Variants in DNAH17 observed in about 807,000 individuals in gnomAD.
The protein encoded by DNAH17 is axonemal beta dynein heavy chain 17.
In DNAH17, 376 loss-of-function variants were observed where a neutral mutation model predicts 485.6. The ratio of observed to expected loss-of-function variants is 0.77; its 90% CI spans 0.71 to 0.84. The LOEUF is 0.84. DNAH17 is among the 40% of genes least tolerant of loss of function. The pLI is 0.00. For synonymous variants in DNAH17, 3,031 were observed against 2,405.9 expected (o/e 1.26, Z -7.60); for missense variants, 6,370 against 5,839.3 (o/e 1.09, Z -2.96).
chr17:78,436,844 CCAAACAAACAAACAAACAAACAAA>C (rs56360405), intron 74 of DNAH17, among the ~76,000 whole-genome samples: 1 of 150,272 alleles, frequency 6.7e-6, no homozygotes, highest in Non-Finnish European at 1.5e-5. Flanking sequence ...GACTCCATCT[CCAAACAAACAAACAAACAAACAAA>C]CAAACAAACA....
chr17:78,494,885 G>A, intron 39 of DNAH17, 65 bp from the exon 40 acceptor site: 1 of 1,574,842 alleles, frequency 6.3e-7, no homozygotes, highest in South Asian at 1.2e-5. Flanking sequence ...AGGCAGGTCT[G>A]GAAGCCAACC....
In DNAH17 at chr17:78,424,050, G is replaced by A. The variant is rs1177377632; in HGVS notation, c.13245C>T (p.Arg4415=). 1.1e-5 allele frequency: 18 copies of A among 1,614,070 alleles called. No individual in the cohort carries two copies. The highest frequency in any genetic ancestry group is 1.5e-5 in the Non-Finnish European group (18 of 1,179,904). Residue 4415 remains arginine (R), a synonymous_variant, in exon 81 of 81, where the codon CGC becomes CGT. Coordinates refer to ENST00000389840, the MANE Select transcript of DNAH17 (RefSeq NM_173628.4). ...VIFIKAIPVD[R]METKNIYECP... is the part of the protein sequence containing the mutation. Reference sequence around the variant, plus strand: ...ACTCATAGATGTTCTTGGTCTCCATGCGGTCCACAGGAATGGCCTTGATGA... The same window carrying A: ...ACTCATAGATGTTCTTGGTCTCCATACGGTCCACAGGAATGGCCTTGATGA...
chr17:78,510,328 G>A, intron 27 of DNAH17, 56 bp downstream of exon 27: 1 of 1,590,522 alleles, frequency 6.3e-7, no homozygotes, highest in Non-Finnish European at 8.6e-7. Flanking sequence ...GTGGTTGGAG[G>A]GGGCAGTTTC....
At chr17:78,482,543 T>A (rs561414581) in intron 48 of DNAH17, among the ~76,000 whole-genome samples, 1 of 152,350 alleles carries the variant, frequency 6.6e-6, no homozygotes, top group South Asian at 2.1e-4. Context: ...CATCAATTTT[T>A]TGCCCTTCTG....
intron 27 of DNAH17, among the ~76,000 whole-genome samples, chr17:78,508,969 G>GTTTTT (rs112772580): frequency 1.0e-5 from 1 of 98,790 alleles, no homozygotes; most frequent in African/African-American, 4.4e-5. Flanking sequence ...GTGCCCAGCT[G>GTTTTT]TTTTTTTTTT....
intron 73 of DNAH17, 117 bp downstream of exon 73, chr17:78,438,973 C>G: frequency 7.1e-7 from 1 of 1,414,974 alleles, no homozygotes; most frequent in Non-Finnish European, 9.4e-7. Context: ...TTAGGATTTC[C>G]ACCCACATTT....
At chr17:78,491,632 A>C (rs578126553) in intron 42 of DNAH17, 62 bp from the exon 43 acceptor site, 9 of 1,564,726 alleles carry the variant, frequency 5.8e-6, no homozygotes, top group Non-Finnish European at 7.8e-6. Flanking sequence ...AGTCCCCACC[A>C]GTCCTGACCC....
chr17:78,465,729 C>G (rs1166040402), intron 56 of DNAH17, among the ~76,000 whole-genome samples: 1 of 149,586 alleles, frequency 6.7e-6, no homozygotes, highest in Admixed American at 6.6e-5. Context: ...AGCCTCTCCG[C>G]CCGGCAGCCA....
chr17:78,500,407 G>T lies in DNAH17; in HGVS notation c.5538C>A (p.Ala1846=), dbSNP rs561063203. Residue 1846 remains alanine (A), a synonymous_variant, in exon 36 of 81, where the codon GCC becomes GCA. Coordinates refer to ENST00000389840, the MANE Select transcript of DNAH17 (RefSeq NM_173628.4). ...SLHLIMGGAP[A]GPAGTGKTET... Reference sequence around the variant, plus strand: ...CAGTCTTGCCGGTCCCAGCGGGGCCGGCAGGGGCTCCACCCATGATGAGAT... The same window carrying T: ...CAGTCTTGCCGGTCCCAGCGGGGCCTGCAGGGGCTCCACCCATGATGAGAT... 3 of 1,611,162 alleles carry T rather than the reference G, an allele frequency of 1.9e-6. No homozygotes were observed. Among genetic ancestry groups the T allele is most frequent in the Non-Finnish European group, 2.5e-6 (3 of 1,179,172 alleles).
At chr17:78,509,956 C>T (rs117949343) in intron 27 of DNAH17, among the ~76,000 whole-genome samples, 1,887 of 152,152 alleles carry the variant, frequency 0.012, 14 homozygotes, top group Non-Finnish European at 0.02. Context: ...CTGAGGCGAG[C>T]GGGTCAGTTG....
intron 22 of DNAH17, among the ~76,000 whole-genome samples, chr17:78,529,125 G>T (rs1482474534): frequency 2.0e-5 from 3 of 152,224 alleles, no homozygotes; most frequent in Non-Finnish European, 4.4e-5. Flanking sequence ...TATTTTTGTA[G>T]AGATGGGCTT....
Position 78,552,771 on chromosome 17 carries a change from A to G in DNAH17, c.2213T>C (p.Leu738Pro). Residue 738 changes from leucine (L) to proline (P), a missense_variant, in exon 15 of 81, where the codon CTA becomes CCA. Leu to Pro is a moderately conservative substitution (Grantham distance 98). Coordinates refer to ENST00000389840, the MANE Select transcript of DNAH17 (RefSeq NM_173628.4). The stretch of plus-strand genomic sequence containing the variant: ...AATTGCTTCCAGTTCTGACTTTATT[A>G]GTAGAAATTCTACTGCCTTCACTAT... Reference protein sequence around the residue: ...KTIVKAVEFLLIKSELEAIDV... With the variant: ...KTIVKAVEFLPIKSELEAIDV... The G allele has an allele frequency of 6.2e-7, 1 of 1,613,654 alleles. No individual in the cohort carries two copies. Among genetic ancestry groups the G allele is most frequent in the Non-Finnish European group, 8.5e-7 (1 of 1,179,560 alleles).
intron 71 of DNAH17, among the ~76,000 whole-genome samples, chr17:78,443,755 T>G (rs8081627): frequency 0.84 from 127,960 of 152,082 alleles, 53,966 homozygotes; most frequent in East Asian, 0.9. Context: ...TCACTATGTT[T>G]CCCAGGCTGG....
chr17:78,545,358 A>G lies in DNAH17; in HGVS notation c.2392-1361T>C, dbSNP rs562097704. Reference sequence around the variant, plus strand: ...CAGCTTAGATTACTATAAGCAAAATACCATATACTAGGGGGCTTAAGCAAC... The same window carrying G: ...CAGCTTAGATTACTATAAGCAAAATGCCATATACTAGGGGGCTTAAGCAAC... On this transcript the variant is annotated intron_variant, in intron 16 of 80. Coordinates refer to ENST00000389840, the MANE Select transcript of DNAH17 (RefSeq NM_173628.4). Among the ~76,000 whole-genome samples, 213 of 152,104 alleles carry G rather than the reference A, an allele frequency of 1.4e-3. 1 individual carries two copies. The highest frequency in any genetic ancestry group is 2.1e-3 in the Non-Finnish European group (143 of 68,024).
intron 54 of DNAH17, chr17:78,472,537 C>T (rs1326017610): frequency 2.5e-5 from 7 of 284,634 alleles, no homozygotes; most frequent in African/African-American, 1.6e-4. Flanking sequence ...AGGCTTTCTT[C>T]ATGGGGCAGC....
intron 1 of DNAH17, among the ~76,000 whole-genome samples, chr17:78,575,580 C>T (rs140140910): frequency 7.0e-4 from 106 of 152,286 alleles, no homozygotes; most frequent in African/African-American, 2.1e-3. Context: ...CAGTCTTAGC[C>T]GCAGCCGTGG....
Position 78,462,949 on chromosome 17 carries a change from C to T in DNAH17, c.9069G>A (p.Gln3023=). Residue 3023 remains glutamine (Q), a synonymous_variant, in exon 57 of 81, where the codon CAG becomes CAA. Coordinates refer to ENST00000389840, the MANE Select transcript of DNAH17 (RefSeq NM_173628.4). ...NYTTPKTFLE[Q]IKLYQNLLAK... ...CCAGCAGGTTCTGGTACAGTTTGAT[C>T]TGCTCCAGAAAGGTTTTGGGTGTGG... is the stretch of plus-strand genomic sequence containing the variant. 1 of 1,613,992 alleles carries T rather than the reference C, an allele frequency of 6.2e-7. No homozygotes were observed. Among genetic ancestry groups the T allele is most frequent in the African/African-American group, 1.3e-5 (1 of 75,032 alleles).
In DNAH17 at chr17:78,441,657, C is replaced by G. The variant is rs556871003; in HGVS notation, c.11529-458G>C. The stretch of plus-strand genomic sequence containing the variant: ...TGACCCCAATAAGTCTGGGGTCAGT[C>G]GGGGTCTCGGCTAATCCTCCCATGG... On this transcript the variant is annotated intron_variant, in intron 71 of 80. Coordinates refer to ENST00000389840, the MANE Select transcript of DNAH17 (RefSeq NM_173628.4). Among the ~76,000 whole-genome samples, 5 of 152,314 alleles carry G rather than the reference C, an allele frequency of 3.3e-5. No homozygotes were observed. The South Asian group carries it at 1.0e-3, about 32-fold the overall frequency.
intron 77 of DNAH17, chr17:78,428,255 C>G: frequency 2.0e-6 from 1 of 502,808 alleles, no homozygotes; most frequent in African/African-American, 1.9e-5. Context: ...GGGTGGAGGG[C>G]TGGGATGCTC....
Sources: gnomAD v4.1 joint callset for allele counts (sites outside exome capture counted in the v4.1 genomes callset) on GRCh38, gnomAD v4.1.1 for gene constraint, MANE v1.5 for transcripts, NCBI Gene and HGNC (gene_info 2026-07-23, HGNC 2026-07-21) for gene names.